Variants in RASL12 observed in about 807,000 individuals in gnomAD.
RASL12 encodes the protein RAS like family 12, also known as ras-like protein family member 12.
RASL12 carries 16 observed loss-of-function variants against 22.9 expected under a neutral mutation model. The ratio of observed to expected loss-of-function variants is 0.70; its 90% CI spans 0.47 to 1.06. The LOEUF is 1.06. Among genes scored for constraint, RASL12 ranks in the 50% least tolerant of loss-of-function variants. The pLI is 0.00. For missense variants in RASL12, 306 were observed against 353.1 expected, an observed-to-expected ratio of 0.87 and a Z score of 1.07; for synonymous variants, 159 against 152.2, an observed-to-expected ratio of 1.04 and a Z score of -0.33.
At chr15:65,059,233 T>C (rs989159854) in intron 3 of RASL12, 112 bp downstream of exon 3, 1 of 873,780 alleles carries the variant, frequency 1.1e-6, no homozygotes, top group Non-Finnish European at 1.9e-6. Flanking sequence ...CACAGCAAAG[T>C]TGAGCTTAAA....
At chr15:65,057,871 A>G (rs557711717) in intron 4 of RASL12, among the ~76,000 whole-genome samples, 1 of 152,298 alleles carries the variant, frequency 6.6e-6, no homozygotes, top group African/African-American at 2.4e-5. Context: ...GCGCGGAAGG[A>G]GTGGCCACTC....
chr15:65,066,041 TAGAGA>T (rs201555916), intron 1 of RASL12, among the ~76,000 whole-genome samples: 7,300 of 132,668 alleles, frequency 0.055, 651 homozygotes, highest in East Asian at 0.47. Flanking sequence ...AAGAGAAGAG[TAGAGA>T]AGAGAAGAGA....
At chr15:65,072,020 C>G (rs1210782772), upstream of RASL12, among the ~76,000 whole-genome samples, 1 of 152,218 alleles carries the variant, frequency 6.6e-6, no homozygotes, top group Non-Finnish European at 1.5e-5. Flanking sequence ...GACACTCTTT[C>G]CCTACCACTA....
chr15:65,053,020 T>A (rs1210765321), downstream of RASL12: 2 of 1,613,172 alleles, frequency 1.2e-6, no homozygotes, highest in South Asian at 1.1e-5. Context: ...TGCATTTGGA[T>A]GAGGCCAAGG....
intron 2 of RASL12, among the ~76,000 whole-genome samples, chr15:65,060,556 G>A (rs1357951087): frequency 2.6e-5 from 4 of 152,208 alleles, no homozygotes; most frequent in Non-Finnish European, 4.4e-5. Flanking sequence ...AAGTGGCCAG[G>A]CATGCAGAGG....
intron 2 of RASL12, among the ~76,000 whole-genome samples, 170 bp downstream of exon 2, chr15:65,065,047 G>C (rs753730199): frequency 5.3e-5 from 8 of 152,226 alleles, no homozygotes; most frequent in Non-Finnish European, 1.2e-4. Context: ...TGTGGAAGGG[G>C]TATTTCTGAC....
Position 65,054,527 on chromosome 15 carries a change from A to G in RASL12, c.*372T>C. 1 of 1,046,268 alleles carries G rather than the reference A, an allele frequency of 9.6e-7. No homozygotes were observed. The highest frequency in any genetic ancestry group is 4.6e-4 in the Middle Eastern group (1 of 2,188). The allele number at this position is 1,046,268 out of a possible 1,614,324, so 64.8% of individuals were successfully genotyped here. On this transcript the variant is annotated 3_prime_UTR_variant, in exon 5 of 5. Coordinates refer to ENST00000220062, the MANE Select transcript of RASL12 (RefSeq NM_016563.4). ...GGGCCTGACATTGACAGAGCCATCCACCCAGACCATCCACTAAGGCCACAG... is the reference window on the plus strand; with the variant it reads ...GGGCCTGACATTGACAGAGCCATCCGCCCAGACCATCCACTAAGGCCACAG...
Position 65,058,432 on chromosome 15 carries a change from C to A in RASL12, c.420G>T (p.Gln140His), listed in dbSNP as rs772542560. ...LLLGNKLDMA[Q>H]YRQVTKAEGV... The stretch of plus-strand genomic sequence containing the variant: ...GCCAAGCAGGCTGTGCTCACCTGTA[C>A]TGAGCCATGTCCAGCTTGTTGCCCA... The change falls in exon 4 of 5, where the codon CAG becomes CAT. Residue 140 changes from glutamine to histidine, a missense_variant. Physicochemically the swap from Gln to His is conservative, Grantham distance 24. Coordinates refer to ENST00000220062, the MANE Select transcript of RASL12 (RefSeq NM_016563.4). 10 of 1,556,718 alleles carry A rather than the reference C, an allele frequency of 6.4e-6. No homozygotes were observed. The African/African-American group carries it at 1.2e-4, about 19-fold the overall frequency.
intron 4 of RASL12, among the ~76,000 whole-genome samples, chr15:65,056,116 C>T (rs1666190949): frequency 6.6e-6 from 1 of 152,118 alleles, no homozygotes. Flanking sequence ...CGGATGTCTA[C>T]AAGAGGGAAG....
At chr15:65,055,625 A>G (rs2086722178) in intron 4 of RASL12, among the ~76,000 whole-genome samples, 9 of 152,176 alleles carry the variant, frequency 5.9e-5, no homozygotes, top group Admixed American at 5.9e-4. Context: ...TGGAGGAAGC[A>G]GGCCATTCCC....
chr15:65,057,300 G>A (rs965828311), intron 4 of RASL12, among the ~76,000 whole-genome samples: 1 of 152,234 alleles, frequency 6.6e-6, no homozygotes, highest in African/African-American at 2.4e-5. Context: ...GCTGGTGGAA[G>A]GGGCTATCCC....
In RASL12 at chr15:65,054,185, G is replaced by A. The variant is rs1210067117; in HGVS notation, c.*714C>T. 1.0e-6 allele frequency: 1 copy of A among 985,950 alleles called. No homozygotes were observed. The highest frequency in any genetic ancestry group is 4.7e-5 in the South Asian group (1 of 21,286). The allele number at this position is 985,950 out of a possible 1,614,324, so 61.1% of individuals were successfully genotyped here. A position where few individuals can be genotyped will look rare whatever the true frequency, so the allele number is the denominator to read the frequency against. ...GGTTCTTTGGACAGAGTCCTTAACA[G>A]TGGGAAAACACATGGAGAATCTGTC... On this transcript the variant is annotated 3_prime_UTR_variant, in exon 5 of 5. Transcript: ENST00000220062.
chr15:65,046,961 C>A, the RASL12 span, among the ~76,000 whole-genome samples: 2 of 152,070 alleles, frequency 1.3e-5, no homozygotes, highest in African/African-American at 4.8e-5. Context: ...CAATAGCTTA[C>A]CTGCGTCTTT....
chr15:65,068,013 G>A, upstream of RASL12: 1 of 1,141,952 alleles, frequency 8.8e-7, no homozygotes, highest in Non-Finnish European at 1.1e-6. The surrounding 1 kb of genome is among the most constrained non-coding windows in gnomAD (Gnocchi z 4.2). Context: ...GGGAGGAGGG[G>A]CCGGTGGAGC....
At chr15:65,051,137 C>T (rs901448057), downstream of RASL12, among the ~76,000 whole-genome samples, 2 of 152,186 alleles carry the variant, frequency 1.3e-5, no homozygotes, top group Non-Finnish European at 2.9e-5. Flanking sequence ...AGCCACTGAG[C>T]CCAGCCTTCT....
chr15:65,064,500 G>A (rs2086852712), intron 2 of RASL12, among the ~76,000 whole-genome samples: 2 of 152,168 alleles, frequency 1.3e-5, no homozygotes, highest in African/African-American at 4.8e-5. Context: ...AACTGGTTCA[G>A]AAGCCAGCAC....
the RASL12 span, among the ~76,000 whole-genome samples, chr15:65,047,356 T>C: frequency 6.6e-5 from 10 of 151,086 alleles, no homozygotes; most frequent in Admixed American, 1.3e-4. Flanking sequence ...AAAACATACA[T>C]ACAAATAGAC....
chr15:65,053,227 G>A, downstream of RASL12: 4 of 1,573,776 alleles, frequency 2.5e-6, no homozygotes, highest in African/African-American at 4.1e-5. Context: ...TCAGTGGCCT[G>A]AAACCTCTCA....
chr15:65,050,821 TTTCTTC>T (rs1431757829), downstream of RASL12, among the ~76,000 whole-genome samples: 1 of 118,912 alleles, frequency 8.4e-6, no homozygotes. Context: ...TTTTTTTTTC[TTTCTTC>T]TTCTTCTTCT....
Sources: allele counts gnomAD v4.1 joint callset (sites outside exome capture counted in the v4.1 genomes callset), GRCh38; gene constraint gnomAD v4.1.1; non-coding constraint Gnocchi (gnomAD v3.1); transcripts MANE v1.5; gene names NCBI Gene and HGNC (gene_info 2026-07-23, HGNC 2026-07-21).